Variants in GMPR observed in about 807,000 individuals in gnomAD.
The protein encoded by GMPR is GMP reductase 1.
In GMPR, 31 loss-of-function variants were observed where a neutral mutation model predicts 38.4. The ratio of observed to expected loss-of-function variants is 0.81; its 90% CI spans 0.61 to 1.09. The LOEUF (loss-of-function observed/expected upper bound fraction) is 1.09, where lower values mean the gene tolerates loss of function less well. GMPR is among the 50% of genes least tolerant of loss of function. GMPR has a pLI of 0.00. For synonymous variants in GMPR, 162 were observed against 173.3 expected (o/e 0.93, Z 0.51); for missense variants, 468 against 453.7 (o/e 1.03, Z -0.29).
intron 4 of GMPR, among the ~76,000 whole-genome samples, chr6:16,266,222 GA>G (rs1759217020): frequency 6.6e-6 from 1 of 150,548 alleles, no homozygotes; most frequent in Non-Finnish European, 1.5e-5. Context: ...GAAGAATGAA[GA>G]ACGCCGCGCG....
chr6:16,269,044 T>A (rs1175165146), intron 4 of GMPR, among the ~76,000 whole-genome samples: 1 of 151,874 alleles, frequency 6.6e-6, no homozygotes, highest in Non-Finnish European at 1.5e-5. Flanking sequence ...ATGTGTAAAA[T>A]TTACACCTAG....
intron 4 of GMPR, 80 bp downstream of exon 4, chr6:16,254,815 C>G: frequency 1.0e-6 from 1 of 986,562 alleles, no homozygotes; most frequent in Non-Finnish European, 1.6e-6. Context: ...GTCGGGGGAG[C>G]TGTATCCTCT....
chr6:16,255,657 T>C (rs550927916), intron 4 of GMPR, among the ~76,000 whole-genome samples: 101 of 152,208 alleles, frequency 6.6e-4, no homozygotes, highest in Non-Finnish European at 1.1e-3. Context: ...AGCTCTAGAG[T>C]ACAACTTGGG....
chr6:16,259,010 T>G (rs1263601469), intron 4 of GMPR: 1 of 152,262 alleles, frequency 6.6e-6, no homozygotes, highest in Non-Finnish European at 1.5e-5. Context: ...CCTTGCCTTT[T>G]TTCATGTGCG....
intron 4 of GMPR, among the ~76,000 whole-genome samples, chr6:16,266,474 T>C (rs1434380917): frequency 2.4e-5 from 2 of 83,404 alleles, no homozygotes; most frequent in Non-Finnish European, 4.3e-5. Context: ...ACACTTCCTG[T>C]GGAAAAGGTG....
At chr6:16,242,131 T>G (rs1758660978) in intron 1 of GMPR, among the ~76,000 whole-genome samples, 1 of 152,180 alleles carries the variant, frequency 6.6e-6, no homozygotes. Context: ...AATTACTCAT[T>G]TTGTTTAAGG....
chr6:16,262,728 A>C (rs368801945), intron 4 of GMPR: 1 of 151,862 alleles, frequency 6.6e-6, no homozygotes, highest in Non-Finnish European at 1.5e-5. Flanking sequence ...GGCCTTTTGA[A>C]CTTTTAGGGT....
intron 1 of GMPR, among the ~76,000 whole-genome samples, chr6:16,239,444 T>A (rs1313005646): frequency 2.0e-5 from 3 of 152,194 alleles, no homozygotes; most frequent in Non-Finnish European, 2.9e-5. Context: ...TCTGCCTGGA[T>A]GTCCTCAAAT....
chr6:16,259,377 C>T (rs893759479), intron 4 of GMPR: 17 of 151,922 alleles, frequency 1.1e-4, no homozygotes, highest in African/African-American at 3.9e-4. Context: ...GGATGTGTAC[C>T]TGCAGGTCAC....
chr6:16,248,120 A>G (rs1319372867), intron 2 of GMPR, among the ~76,000 whole-genome samples: 2 of 150,426 alleles, frequency 1.3e-5, no homozygotes, highest in Non-Finnish European at 2.9e-5. Context: ...AGTCCCAGCT[A>G]CTCGGGAGGC....
chr6:16,273,134 A>G (rs1437187543), intron 4 of GMPR, among the ~76,000 whole-genome samples: 1 of 152,096 alleles, frequency 6.6e-6, no homozygotes, highest in African/African-American at 2.4e-5. Context: ...ATTGTCAGCT[A>G]CTGTTTGGAT....
At position 16,238,789 on chromosome 6, in the gene GMPR, C is replaced by T; in HGVS notation, c.87+9C>T. The T allele has an allele frequency of 7.0e-7, 1 of 1,427,830 alleles. No individual in the cohort carries two copies. The highest frequency in any genetic ancestry group is 9.4e-7 in the Non-Finnish European group (1 of 1,066,830). The allele number at this position is 1,427,830 out of a possible 1,614,324, so 88.4% of individuals were successfully genotyped here. ...TCAAGAGCCGAGCCGAGGTGGGGGA[C>T]GTTCGGAAGTCGCAGTGGGGTGGGA... On this transcript the variant is annotated intron_variant, in intron 1 of 8. Transcript: ENST00000259727.
rs779775612 is a variant in GMPR at position 16,238,698 on chromosome 6, C to T, written c.5C>T (p.Pro2Leu). ...GCAGCCAGGAGCCGCTGCACCATGC[C>T]CCGCATAGATGCGGACCTCAAGCTC... The part of the protein sequence containing the change: M[P>L]RIDADLKLDF... Residue 2 changes from proline (P) to leucine (L), a missense_variant, in exon 1 of 9, where the codon CCC becomes CTC. Coordinates refer to ENST00000259727, the MANE Select transcript of GMPR (RefSeq NM_006877.4). 4.2e-6 allele frequency: 6 copies of T among 1,413,624 alleles called. No individual in the cohort carries two copies. Among genetic ancestry groups the T allele is most frequent in the East Asian group, 3.1e-5 (1 of 32,734 alleles). The allele number at this position is 1,413,624 out of a possible 1,614,324, so 87.6% of individuals were successfully genotyped here. A position where few individuals can be genotyped will look rare whatever the true frequency, so the allele number is the denominator to read the frequency against.
At chr6:16,258,388 G>C (rs1759017687) in intron 4 of GMPR, among the ~76,000 whole-genome samples, 1 of 152,230 alleles carries the variant, frequency 6.6e-6, no homozygotes. Flanking sequence ...ACCTCTGAAG[G>C]ACAAAGACCA....
chr6:16,246,649 C>T (rs928360338), intron 1 of GMPR, among the ~76,000 whole-genome samples, 193 bp from the exon 2 acceptor site: 17 of 152,128 alleles, frequency 1.1e-4, no homozygotes, highest in Non-Finnish European at 1.0e-4. Flanking sequence ...AGAGAGCTTC[C>T]GATTCCGAGG....
intron 6 of GMPR, among the ~76,000 whole-genome samples, chr6:16,282,037 G>T (rs1759583133): frequency 6.6e-6 from 1 of 152,212 alleles, no homozygotes. Context: ...CCCTGAACCT[G>T]CTAGAAACCC....
chr6:16,262,658 TG>T (rs1759108795), intron 4 of GMPR: 1 of 152,038 alleles, frequency 6.6e-6, no homozygotes, highest in Non-Finnish European at 1.5e-5. Context: ...ATTTAATTTT[TG>T]GAGTTTTCTT....
chr6:16,239,012 A>AG (rs1758592687), intron 1 of GMPR, among the ~76,000 whole-genome samples: 1 of 152,128 alleles, frequency 6.6e-6, no homozygotes, highest in Non-Finnish European at 1.5e-5. Context: ...TGGGTGGCCT[A>AG]GGGGAAGTTC....
At position 16,246,850 on chromosome 6, in the gene GMPR, T is replaced by C. The variant is rs1478684067; in HGVS notation, c.96T>C (p.Leu32=). The part of the protein sequence containing the change: ...SSLKSRAEVD[L]ERTFTFRNSK... ...TTTTTTTTGGCCAACAGGTGGATCT[T>C]GAACGCACCTTCACGTTTCGAAATT... The change falls in exon 2 of 9, where the codon CTT becomes CTC. Residue 32 remains leucine (L), a synonymous_variant. Coordinates refer to ENST00000259727, the MANE Select transcript of GMPR (RefSeq NM_006877.4). The C allele has an allele frequency of 6.2e-7, 1 of 1,613,560 alleles. No individual in the cohort carries two copies. The highest frequency in any genetic ancestry group is 8.5e-7 in the Non-Finnish European group (1 of 1,179,610).
Sources: allele counts gnomAD v4.1 joint callset (sites outside exome capture counted in the v4.1 genomes callset), GRCh38; gene constraint gnomAD v4.1.1; transcripts MANE v1.5; gene names NCBI Gene and HGNC (gene_info 2026-07-23, HGNC 2026-07-21).